HSPH1: variants seen among roughly 807,000 people sequenced by gnomAD.
HSPH1 encodes the protein heat shock protein family H (Hsp110) member 1, also known as heat shock protein 105 kDa.
In HSPH1, 40 loss-of-function variants were observed where a neutral mutation model predicts 100.0. That is an observed-to-expected ratio of 0.40 (90% CI 0.31 to 0.52). HSPH1 has a LOEUF of 0.52. Among genes scored for constraint, HSPH1 ranks in the 20% least tolerant of loss-of-function variants. HSPH1 has a pLI of 0.54. For missense variants in HSPH1, 876 were observed against 1,015.1 expected (o/e 0.86, Z 1.86); for synonymous variants, 403 against 344.0 (o/e 1.17, Z -1.90).
At position 31,155,647 on chromosome 13, in the gene HSPH1, G is replaced by A. The variant is rs1225765899; in HGVS notation, c.173C>T (p.Thr58Ile). 2.5e-6 allele frequency: 4 copies of A among 1,584,484 alleles called. No individual in the cohort carries two copies. The highest frequency in any genetic ancestry group is 1.2e-5 in the South Asian group (1 of 85,238). ...IGVAAKNQQI[T>I]HANNTVSNFK... ...GTTAGACACCGTATTGTTTGCATGA[G>A]TGATTTGCTGCAAAAAGAAGTTTGA... The change falls in exon 3 of 18, where the codon ACT becomes ATT. Residue 58 changes from threonine to isoleucine, a missense_variant. Physicochemically the swap from Thr to Ile is moderately conservative, Grantham distance 89. Coordinates refer to ENST00000320027, the MANE Select transcript of HSPH1 (RefSeq NM_006644.4).
At position 31,138,112 on chromosome 13, in the gene HSPH1, A is replaced by G. The variant is rs147915449; in HGVS notation, c.2370+295T>C. Among the ~76,000 whole-genome samples, 1,379 of 152,188 alleles carry G rather than the reference A, an allele frequency of 9.1e-3. 22 individuals carry two copies. The highest frequency in any genetic ancestry group is 0.032 in the African/African-American group (1,309 of 41,544). ...TCCCTCCCATTACAAGATGAGTTCCATAAGGGCAGAGACTACACTTTGCAC... is the reference window on the plus strand; with the variant it reads ...TCCCTCCCATTACAAGATGAGTTCCGTAAGGGCAGAGACTACACTTTGCAC... On this transcript the variant is annotated intron_variant, in intron 17 of 17. Transcript: ENST00000320027.
intron 12 of HSPH1, among the ~76,000 whole-genome samples, chr13:31,142,217 A>G (rs1042723581): frequency 5.3e-5 from 8 of 152,092 alleles, no homozygotes; most frequent in Non-Finnish European, 8.8e-5. Context: ...AGGAGTTACA[A>G]TGGATTAAAA....
chr13:31,156,874 T>TA (rs1242532645), intron 2 of HSPH1, among the ~76,000 whole-genome samples: 1 of 152,236 alleles, frequency 6.6e-6, no homozygotes, highest in Non-Finnish European at 1.5e-5. Flanking sequence ...GGTGTTTTTT[T>TA]AATCCACCGT....
Position 31,137,500 on chromosome 13 carries a change from C to T in HSPH1, c.2395G>A (p.Val799Ile), listed in dbSNP as rs140348808. The change falls in exon 18 of 18, where the codon GTT becomes ATT. Residue 799 changes from valine to isoleucine, a missense_variant. Val to Ile is a conservative substitution (Grantham distance 29, BLOSUM62 3). Transcript: ENST00000320027. ...ATTTTTGGTTTCGGTTGTGTTACAA[C>T]GGGTTCACATGTGTTGTTCAATTCC... ...IKELNNTCEP[V>I]VTQPKPKIES... 6.1e-5 allele frequency: 98 copies of T among 1,613,250 alleles called. No homozygotes were observed. Among genetic ancestry groups the T allele is most frequent in the Non-Finnish European group, 7.6e-5 (90 of 1,179,580 alleles).
chr13:31,158,939 C>A, intron 1 of HSPH1, 76 bp from the exon 2 acceptor site: 3 of 892,972 alleles, frequency 3.4e-6, no homozygotes, highest in Non-Finnish European at 5.6e-6. Flanking sequence ...AAAATACTAA[C>A]ATAAATGTCC....
Position 31,141,245 on chromosome 13 carries a change from T to C in HSPH1, c.1731A>G (p.Lys577=). Reference sequence around the variant, plus strand: ...TTTTAGCTTCTGGAGGCTGGTCAACTTTTTTTTCATTTGCCTTGGGAAGAG... The same window carrying C: ...TTTTAGCTTCTGGAGGCTGGTCAACCTTTTTTTCATTTGCCTTGGGAAGAG... ...IPDADKANEK[K]VDQPPEAKKP... is the part of the protein sequence containing the mutation. Residue 577 remains lysine (K), a synonymous_variant, in exon 13 of 18, where the codon AAA becomes AAG. Transcript: ENST00000320027. The C allele has an allele frequency of 6.3e-7, 1 of 1,594,994 alleles. No homozygotes were observed. The highest frequency in any genetic ancestry group is 8.5e-7 in the Non-Finnish European group (1 of 1,171,256).
chr13:31,146,266 A>G (rs899901292), intron 10 of HSPH1, among the ~76,000 whole-genome samples: 5 of 152,228 alleles, frequency 3.3e-5, no homozygotes, highest in African/African-American at 1.2e-4. Flanking sequence ...GTCCTCTAAT[A>G]TATACTATAA....
At chr13:31,161,381 T>A in intron 1 of HSPH1, 95 bp downstream of exon 1, 1 of 1,526,382 alleles carries the variant, frequency 6.6e-7, no homozygotes, top group East Asian at 2.4e-5. Flanking sequence ...CGCCTCCGTT[T>A]GCCGCGGTGA....
At chr13:31,158,238 G>C (rs566399234) in intron 2 of HSPH1, among the ~76,000 whole-genome samples, 1 of 151,982 alleles carries the variant, frequency 6.6e-6, no homozygotes, top group Non-Finnish European at 1.5e-5. Context: ...TAAATGAAAG[G>C]CAGCAAAAAG....
intron 2 of HSPH1, among the ~76,000 whole-genome samples, chr13:31,156,203 A>G (rs1956684458): frequency 6.6e-6 from 1 of 152,192 alleles, no homozygotes; most frequent in Non-Finnish European, 1.5e-5. Flanking sequence ...ATCCTGGCTA[A>G]CACGGTGAAA....
At chr13:31,140,553 TA>T (rs35691238) in intron 13 of HSPH1, 3,322 of 158,610 alleles carry the variant, frequency 0.021, no homozygotes, top group East Asian at 0.056. Context: ...TATTTAATGC[TA>T]AAAAAAAAAA....
At position 31,154,741 on chromosome 13, in the gene HSPH1, A is replaced by T; in HGVS notation, c.321T>A (p.Gly107=). The T allele has an allele frequency of 6.2e-7, 1 of 1,613,460 alleles. No individual in the cohort carries two copies. Among genetic ancestry groups the T allele is most frequent in the Non-Finnish European group, 8.5e-7 (1 of 1,179,512 alleles). Residue 107 remains glycine (G), a synonymous_variant, in exon 4 of 18, where the codon GGT becomes GGA. Transcript: ENST00000320027. The part of the protein sequence containing the change: ...GGVGIKVMYM[G]EEHLFSVEQI... ...GCTCCACACTAAATAGATGTTCTTC[A>T]CCCATGTACATTACCTATATTGAAG...
At position 31,136,611 on chromosome 13, in the gene HSPH1, G is replaced by A. The variant is rs1955889770; in HGVS notation, c.*707C>T. On this transcript the variant is annotated 3_prime_UTR_variant, in exon 18 of 18. Transcript: ENST00000320027. ...CCCTCATCTCATTTTTTAAATTAGT[G>A]ACAAAATCAACAGTTTAGAAATGAC... 1 of 152,432 alleles carries A rather than the reference G, an allele frequency of 6.6e-6. No individual in the cohort carries two copies. The allele number at this position is 152,432 out of a possible 1,614,324, so 9.4% of individuals were successfully genotyped here. A position where few individuals can be genotyped will look rare whatever the true frequency, so the allele number is the denominator to read the frequency against.
chr13:31,158,122 C>G (rs147720078), intron 2 of HSPH1, among the ~76,000 whole-genome samples: 148 of 152,300 alleles, frequency 9.7e-4, no homozygotes, highest in African/African-American at 3.3e-3. Context: ...CTTTTAAACA[C>G]ATAATTTCTT....
intron 4 of HSPH1, among the ~76,000 whole-genome samples, chr13:31,153,311 A>G (rs1178653991): frequency 1.3e-5 from 2 of 152,210 alleles, no homozygotes; most frequent in East Asian, 3.8e-4. Flanking sequence ...TTCTACTGGC[A>G]TTAGGAAATT....
chr13:31,138,011 C>T (rs1365225987), intron 17 of HSPH1, among the ~76,000 whole-genome samples: 4 of 152,082 alleles, frequency 2.6e-5, no homozygotes, highest in Admixed American at 2.0e-4. Context: ...AATTTCCTAA[C>T]CCCTTTTTCC....
At chr13:31,147,900 A>G (rs1382501158) in intron 10 of HSPH1, 59 bp downstream of exon 10, 9 of 1,422,492 alleles carry the variant, frequency 6.3e-6, no homozygotes, top group East Asian at 2.4e-5. Flanking sequence ...AGTTTGTACA[A>G]TGAGTGAGAA....
intron 11 of HSPH1, among the ~76,000 whole-genome samples, 177 bp from the exon 12 acceptor site, chr13:31,144,100 T>C (rs1956190767): frequency 6.6e-6 from 1 of 152,188 alleles, no homozygotes; most frequent in African/African-American, 2.4e-5. Flanking sequence ...GTAGAAATTC[T>C]AAACCTGTAA....
chr13:31,161,669 T>C lies in HSPH1; in HGVS notation c.-87A>G, dbSNP rs749980011. ...CTTCTCCTGCCGCCGCTTTCTGCCC[T>C]GGCCGCGTTCTGCTCCGGCCCGCGG... On this transcript the variant is annotated 5_prime_UTR_variant, in exon 1 of 18. Transcript: ENST00000320027. The C allele has an allele frequency of 8.3e-6, 13 of 1,573,776 alleles. No individual in the cohort carries two copies. In the African/African-American group the frequency reaches 1.2e-4, roughly 15 times the overall value.
Sources: allele counts gnomAD v4.1 joint callset (sites outside exome capture counted in the v4.1 genomes callset), GRCh38; gene constraint gnomAD v4.1.1; transcripts MANE v1.5; gene names NCBI Gene and HGNC (gene_info 2026-07-23, HGNC 2026-07-21).